The following TRABD2B variants were observed in gnomAD, a reference collection of about 807,000 sequenced individuals.
TRABD2B encodes the protein metalloprotease TIKI2.
In TRABD2B, 14 loss-of-function variants were observed where a neutral mutation model predicts 40.1. The observed-to-expected ratio is 0.35, with a 90% confidence interval of 0.23 to 0.55. The LOEUF is 0.55. TRABD2B is among the 20% of genes least tolerant of loss of function. The pLI, the probability that TRABD2B is intolerant of heterozygous loss-of-function variation, is 0.90. For missense variants in TRABD2B, 541 were observed against 648.6 expected (o/e 0.83, Z 1.80); for synonymous variants, 263 against 277.0 (o/e 0.95, Z 0.50).
intron 2 of TRABD2B, among the ~76,000 whole-genome samples, chr1:47,874,281 C>T (rs1454472943): frequency 2.5e-4 from 13 of 52,262 alleles, no homozygotes; most frequent in Admixed American, 8.6e-4. Flanking sequence ...TTTTTTGAGA[C>T]GGAGTCTCGC....
intron 2 of TRABD2B, among the ~76,000 whole-genome samples, chr1:47,914,826 A>G (rs1644808991): frequency 6.6e-6 from 1 of 152,220 alleles, no homozygotes; most frequent in Non-Finnish European, 1.5e-5. Context: ...AGCTTACCTG[A>G]GCCCTTCACT....
intron 2 of TRABD2B, among the ~76,000 whole-genome samples, chr1:47,952,004 C>T (rs746218514): frequency 6.6e-5 from 10 of 152,222 alleles, no homozygotes; most frequent in Non-Finnish European, 1.2e-4. Context: ...ACCCCTGCAT[C>T]GCTCAGCACC....
intron 4 of TRABD2B, among the ~76,000 whole-genome samples, chr1:47,793,894 G>A (rs1268719979): frequency 2.0e-5 from 3 of 152,236 alleles, no homozygotes; most frequent in Middle Eastern, 3.4e-3. Context: ...TGCATGAGGA[G>A]GCCAGGTCCC....
chr1:47,874,729 G>A (rs1015489489), intron 2 of TRABD2B, among the ~76,000 whole-genome samples: 1 of 150,272 alleles, frequency 6.7e-6, no homozygotes, highest in Non-Finnish European at 1.5e-5. Flanking sequence ...CACCAGGCCT[G>A]GCTAATATAT....
chr1:47,995,726 T>C (rs1265289255), intron 1 of TRABD2B, among the ~76,000 whole-genome samples: 1 of 152,224 alleles, frequency 6.6e-6, no homozygotes, highest in Non-Finnish European at 1.5e-5. Flanking sequence ...TGTGTTGGGA[T>C]GGGTGGGTTG....
chr1:47,924,089 G>C (rs1260124902), intron 2 of TRABD2B, among the ~76,000 whole-genome samples: 1 of 152,092 alleles, frequency 6.6e-6, no homozygotes, highest in Non-Finnish European at 1.5e-5. Context: ...CAGCTGTAGA[G>C]CCTTGGGTCT....
chr1:47,792,442 G>C (rs1318681555), intron 4 of TRABD2B, among the ~76,000 whole-genome samples: 1 of 152,212 alleles, frequency 6.6e-6, no homozygotes, highest in Non-Finnish European at 1.5e-5. Flanking sequence ...AGGAGGGGAG[G>C]AGGCTGGGAC....
intron 2 of TRABD2B, among the ~76,000 whole-genome samples, chr1:47,868,573 C>A (rs1234195908): frequency 6.6e-6 from 1 of 152,170 alleles, no homozygotes; most frequent in African/African-American, 2.4e-5. Flanking sequence ...GGAGCAGGAA[C>A]CCTATTGTGA....
intron 2 of TRABD2B, among the ~76,000 whole-genome samples, chr1:47,825,004 C>A (rs1645156545): frequency 6.6e-6 from 1 of 152,212 alleles, no homozygotes; most frequent in Admixed American, 6.5e-5. Context: ...CGAGGATGAA[C>A]CGCCAGCCCA....
At chr1:47,887,616 G>T (rs1424453715) in intron 2 of TRABD2B, among the ~76,000 whole-genome samples, 1 of 152,182 alleles carries the variant, frequency 6.6e-6, no homozygotes, top group Non-Finnish European at 1.5e-5. Flanking sequence ...CAAAGCCAAT[G>T]AACAGTCTTA....
chr1:47,793,730 C>A (rs777744922), intron 4 of TRABD2B, among the ~76,000 whole-genome samples: 3 of 152,188 alleles, frequency 2.0e-5, no homozygotes, highest in South Asian at 2.1e-4. Context: ...GAGGCAAACA[C>A]AATATCCTGG....
chr1:47,873,238 A>G (rs1326405162), intron 2 of TRABD2B, among the ~76,000 whole-genome samples: 1 of 152,122 alleles, frequency 6.6e-6, no homozygotes, highest in Non-Finnish European at 1.5e-5. Context: ...CAACATGTGA[A>G]TTTTGGGGGG....
At position 47,994,652 on chromosome 1, in the gene TRABD2B, C is replaced by A. The variant is rs1646064497; in HGVS notation, c.103-55G>T. 6.8e-7 allele frequency: 1 copy of A among 1,467,750 alleles called. No homozygotes were observed. Among genetic ancestry groups the A allele is most frequent in the South Asian group, 1.3e-5 (1 of 75,024 alleles). The allele number at this position is 1,467,750 out of a possible 1,614,324, so 90.9% of individuals were successfully genotyped here. On this transcript the variant is annotated intron_variant, in intron 1 of 6. Transcript: ENST00000606738. The surrounding 1 kb of genome is among the most constrained non-coding windows in gnomAD (Gnocchi z 6.7). ...GAGGCCGAAGGCAACAGAGTAGAGT[C>A]AGGGTAGCCCAGAGGCACGTTGCAG...
At chr1:47,880,693 T>C (rs1309618344) in intron 2 of TRABD2B, among the ~76,000 whole-genome samples, 3 of 152,300 alleles carry the variant, frequency 2.0e-5, no homozygotes, top group Non-Finnish European at 4.4e-5. Context: ...CCTGGGGAGA[T>C]GCTCCATGGG....
chr1:47,905,160 G>A (rs937365083), intron 2 of TRABD2B, among the ~76,000 whole-genome samples: 8 of 152,238 alleles, frequency 5.3e-5, no homozygotes, highest in Non-Finnish European at 5.9e-5. Flanking sequence ...GGGTGCTTGC[G>A]AAAAGCAAAT....
intron 2 of TRABD2B, among the ~76,000 whole-genome samples, chr1:47,829,322 G>C (rs1343501780): frequency 6.6e-6 from 1 of 152,110 alleles, no homozygotes; most frequent in Non-Finnish European, 1.5e-5. Flanking sequence ...ACTCCCCTGG[G>C]AGAGGGGCTC....
chr1:47,960,583 C>T (rs1344077402), intron 2 of TRABD2B, among the ~76,000 whole-genome samples: 3 of 151,954 alleles, frequency 2.0e-5, no homozygotes, highest in African/African-American at 4.8e-5. Context: ...AGACAGAGAG[C>T]CAAATCATGA....
chr1:47,762,729 C>G lies in TRABD2B; in HGVS notation c.*3173G>C, dbSNP rs966309411. ...CATCCTCAGCAGCCCTTTGCAGCTC[C>G]CTGGCAGCCTGATTCTTCTCCCTCC... On this transcript the variant is annotated 3_prime_UTR_variant, in exon 7 of 7. Transcript: ENST00000606738. 6.6e-6 allele frequency: 1 copy of G among 152,222 alleles called. No homozygotes were observed. Among genetic ancestry groups the G allele is most frequent in the African/African-American group, 2.4e-5 (1 of 41,460 alleles). The allele number at this position is 152,222 out of a possible 1,614,324, so 9.4% of individuals were successfully genotyped here. A position where few individuals can be genotyped will look rare whatever the true frequency, so the allele number is the denominator to read the frequency against.
At chr1:47,901,343 C>T (rs1217183782) in intron 2 of TRABD2B, among the ~76,000 whole-genome samples, 2 of 152,324 alleles carry the variant, frequency 1.3e-5, no homozygotes, top group South Asian at 2.1e-4. Flanking sequence ...AGCCATCTCA[C>T]AGAGGAAAGG....
Sources: allele counts gnomAD v4.1 joint callset (sites outside exome capture counted in the v4.1 genomes callset), GRCh38; gene constraint gnomAD v4.1.1; non-coding constraint Gnocchi (gnomAD v3.1); transcripts MANE v1.5; gene names NCBI Gene and HGNC (gene_info 2026-07-23, HGNC 2026-07-21).